The following DPP9 variants were observed in gnomAD, a reference collection of about 807,000 sequenced individuals.
The protein encoded by DPP9 is dipeptidyl peptidase 9, also known as dipeptidyl peptidase IV-related protein-2.
A neutral mutation model predicts 110.7 loss-of-function variants in DPP9; 50 were observed. That is an observed-to-expected ratio of 0.45 (90% CI 0.36 to 0.57). The LOEUF (loss-of-function observed/expected upper bound fraction) is 0.57, where lower values mean the gene tolerates loss of function less well. Among genes scored for constraint, DPP9 ranks in the 20% least tolerant of loss-of-function variants. DPP9 has a pLI of 0.00. For synonymous variants in DPP9, 561 were observed against 514.4 expected (o/e 1.09, Z -1.23); for missense variants, 1,022 against 1,217.9 (o/e 0.84, Z 2.39).
rs530092089 is a variant in DPP9, at chr19:4,683,613, T to G, written c.2195A>C (p.Glu732Ala). The change falls in exon 19 of 22, where the codon GAG (glutamate) becomes GCG (alanine). Residue 732 changes from glutamate (E) to alanine (A), a missense_variant. By Grantham distance (107) the Glu-to-Ala change is moderately radical (BLOSUM62 -1). Transcript: ENST00000262960. ...LKNQMGQVEI[E>A]DQVEGLQFVA... The stretch of plus-strand genomic sequence containing the variant: ...GAACTGCAGGCCCTCCACCTGGTCC[T>G]CGATCTCCACCTGGCCCTGAGGGAT... The G allele has an allele frequency of 6.2e-7, 1 of 1,611,932 alleles. No individual in the cohort carries two copies. Among genetic ancestry groups the G allele is most frequent in the Non-Finnish European group, 8.5e-7 (1 of 1,179,286 alleles).
At chr19:4,681,439 C>T (rs1195596050) in intron 20 of DPP9, among the ~76,000 whole-genome samples, 1 of 152,020 alleles carries the variant, frequency 6.6e-6, no homozygotes, top group East Asian at 1.9e-4. Flanking sequence ...CCTCGGCCTC[C>T]TTGAGTAGCC....
At chr19:4,711,260 G>T (rs2145864238) in intron 4 of DPP9, among the ~76,000 whole-genome samples, 1 of 152,244 alleles carries the variant, frequency 6.6e-6, no homozygotes. Context: ...AGTACTTCAT[G>T]GCTCAGACGA....
Position 4,719,884 on chromosome 19 carries a change from C to A in DPP9, c.23G>T (p.Arg8Leu), listed in dbSNP as rs555735000. 7.7e-6 allele frequency: 12 copies of A among 1,551,646 alleles called. No individual in the cohort carries two copies. Among genetic ancestry groups the A allele is most frequent in the Non-Finnish European group, 9.6e-6 (11 of 1,147,002 alleles). Reference sequence around the variant, plus strand: ...ACTTCCGGTGTTCTCCTTGTCCAGGCGCAGTTTCTTAACCTTCCGCATTAA... The same window carrying A: ...ACTTCCGGTGTTCTCCTTGTCCAGGAGCAGTTTCTTAACCTTCCGCATTAA... Reference protein sequence around the residue: MRKVKKLRLDKENTGSWR... With the variant: MRKVKKLLLDKENTGSWR... The change falls in exon 3 of 22, where the codon CGC becomes CTC. Residue 8 changes from arginine to leucine, a missense_variant. By Grantham distance (102) the Arg-to-Leu change is moderately radical. This residue lies in a region of DPP9 where 810 missense variants were observed against 920.6 expected (regional missense o/e 0.88). Coordinates refer to ENST00000262960, the MANE Select transcript of DPP9 (RefSeq NM_139159.5).
chr19:4,705,458 G>A (rs1044077874), intron 5 of DPP9, among the ~76,000 whole-genome samples: 1 of 152,192 alleles, frequency 6.6e-6, no homozygotes, highest in Non-Finnish European at 1.5e-5. Flanking sequence ...TTGGGCTCAA[G>A]CAATCCTCTT....
chr19:4,714,205 G>C lies in DPP9; in HGVS notation c.189C>G (p.Leu63=). The C allele has an allele frequency of 6.2e-7, 1 of 1,607,876 alleles. No homozygotes were observed. Among genetic ancestry groups the C allele is most frequent in the Non-Finnish European group, 8.5e-7 (1 of 1,177,538 alleles). Reference sequence around the variant, plus strand: ...TGCGGCTGCCGTGGATGATGCTCCGGAGCCCGTCCCACGAGTGCTTCTGCA... The same window carrying C: ...TGCGGCTGCCGTGGATGATGCTCCGCAGCCCGTCCCACGAGTGCTTCTGCA... ...FQVQKHSWDG[L]RSIIHGSRKY... The change falls in exon 4 of 22, where the codon CTC becomes CTG. Residue 63 remains leucine (L), a synonymous_variant. Transcript: ENST00000262960.
chr19:4,682,832 T>C lies in DPP9; in HGVS notation c.2338A>G (p.Ile780Val), dbSNP rs141294259. 1.9e-3 allele frequency: 2,936 copies of C among 1,583,240 alleles called. 53 individuals carry two copies. In the African/African-American group the frequency reaches 0.034, roughly 18 times the overall value. ...IHKPQVFKVA[I>V]AGAPVTVWMA... ...CAGACGGTGACCGGGGCACCCGCGA[T>C]GGCCACCTGAGGGACACAGCAGACA... is the stretch of plus-strand genomic sequence containing the variant. The change falls in exon 20 of 22, where the codon ATC becomes GTC. Residue 780 changes from isoleucine to valine, a missense_variant. By Grantham distance (29) the Ile-to-Val change is conservative. Coordinates refer to ENST00000262960, the MANE Select transcript of DPP9 (RefSeq NM_139159.5). This position sits in a 1 kb window ranked among gnomAD's most constrained non-coding sequence, Gnocchi z 7.1.
Position 4,682,085 on chromosome 19 carries a change from C to T in DPP9, c.2474+611G>A, listed in dbSNP as rs1306754773. The stretch of plus-strand genomic sequence containing the variant: ...GGATGGTCTCAATCTCCTGACCTCA[C>T]GATCCGCCCGCCTCAGCCTCCCAGA... On this transcript the variant is annotated intron_variant, in intron 20 of 21. Transcript: ENST00000262960. The surrounding 1 kb of genome is among the most constrained non-coding windows in gnomAD (Gnocchi z 7.1). Among the ~76,000 whole-genome samples the T allele has an allele frequency of 2.6e-5, 4 of 152,004 alleles. No individual in the cohort carries two copies. The highest frequency in any genetic ancestry group is 5.9e-5 in the Non-Finnish European group (4 of 67,996).
At chr19:4,709,018 T>G (rs2092712301) in intron 4 of DPP9, among the ~76,000 whole-genome samples, 3 of 152,152 alleles carry the variant, frequency 2.0e-5, no homozygotes, top group Non-Finnish European at 4.4e-5. Flanking sequence ...CCTGGGTTCA[T>G]GCGACTCTCC....
At chr19:4,722,968 A>G (rs2093386604) in intron 1 of DPP9, among the ~76,000 whole-genome samples, 1 of 152,174 alleles carries the variant, frequency 6.6e-6, no homozygotes, top group Admixed American at 6.5e-5. Context: ...GGGCTGGCCT[A>G]AGGCTGTGTG....
At chr19:4,679,763 G>C in intron 21 of DPP9, 72 bp downstream of exon 21, 2 of 1,204,336 alleles carry the variant, frequency 1.7e-6, no homozygotes, top group South Asian at 1.3e-5. Flanking sequence ...AAGCCACCCC[G>C]CCTCGTCCCA....
rs1056562748 is a variant in DPP9 at position 4,683,316 on chromosome 19, G to A, written c.2331+161C>T. 2.4e-5 allele frequency: 35 copies of A among 1,454,004 alleles called. No individual in the cohort carries two copies. The Admixed American group carries it at 2.5e-4, about 11-fold the overall frequency. 90.1% of individuals were successfully genotyped at this position (1,454,004 alleles called of 1,614,324 possible). A position where few individuals can be genotyped will look rare whatever the true frequency, so the allele number is the denominator to read the frequency against. ...GCAATGAGGAGGGGGGCTCGGCCCC[G>A]TGGGGCTGCTGCAGGGAGAAACAGC... is the stretch of plus-strand genomic sequence containing the variant. On this transcript the variant is annotated intron_variant, in intron 19 of 21. Coordinates refer to ENST00000262960, the MANE Select transcript of DPP9 (RefSeq NM_139159.5).
rs1006543111 is a variant in DPP9, at chr19:4,702,221, C to T, written c.884-66G>A. On this transcript the variant is annotated intron_variant, in intron 8 of 21. Coordinates refer to ENST00000262960, the MANE Select transcript of DPP9 (RefSeq NM_139159.5). The stretch of plus-strand genomic sequence containing the variant: ...GCAGAGTCCCTGCCATCAGCACCCC[C>T]CGCCCCCTGCAGCACCGGGGCCTGA... 5.9e-6 allele frequency: 9 copies of T among 1,534,172 alleles called. No homozygotes were observed. The African/African-American group carries it at 8.2e-5, about 14-fold the overall frequency.
chr19:4,682,033 A>T lies in DPP9; in HGVS notation c.2474+663T>A, dbSNP rs190959585. On this transcript the variant is annotated intron_variant, in intron 20 of 21. Coordinates refer to ENST00000262960, the MANE Select transcript of DPP9 (RefSeq NM_139159.5). This position sits in a 1 kb window ranked among gnomAD's most constrained non-coding sequence, Gnocchi z 7.1. Reference sequence around the variant, plus strand: ...CCGGCTAATTTTTTGTATTTTTAGTAGAGACGGGGTTTCATCTTGTTAGCC... The same window carrying T: ...CCGGCTAATTTTTTGTATTTTTAGTTGAGACGGGGTTTCATCTTGTTAGCC... Among the ~76,000 whole-genome samples the T allele has an allele frequency of 2.6e-5, 4 of 151,980 alleles. No homozygotes were observed. Among genetic ancestry groups the T allele is most frequent in the Non-Finnish European group, 5.9e-5 (4 of 67,970 alleles).
At chr19:4,683,196 C>T (rs1335589095) in intron 19 of DPP9, 5 of 1,427,242 alleles carry the variant, frequency 3.5e-6, no homozygotes, top group Non-Finnish European at 4.6e-6. Flanking sequence ...CCACCTCTGC[C>T]CATCCGAGGC....
Position 4,689,783 on chromosome 19 carries a change from T to A in DPP9, c.1597-61A>T. The A allele has an allele frequency of 6.7e-7, 1 of 1,488,508 alleles. No homozygotes were observed. The allele number at this position is 1,488,508 out of a possible 1,614,324, so 92.2% of individuals were successfully genotyped here. ...AGATGCCCCTGGGCCCACACCCCTC[T>A]CCACGCCCCACAGGAGTGGGCCCCA... On this transcript the variant is annotated intron_variant, in intron 14 of 21. Coordinates refer to ENST00000262960, the MANE Select transcript of DPP9 (RefSeq NM_139159.5). The surrounding 1 kb of genome is among the most constrained non-coding windows in gnomAD (Gnocchi z 7.0).
At position 4,698,523 on chromosome 19, in the gene DPP9, A is replaced by G. The variant is rs1008401790; in HGVS notation, c.1075-872T>C. Among the ~76,000 whole-genome samples, 3 of 151,942 alleles carry G rather than the reference A, an allele frequency of 2.0e-5. No individual in the cohort carries two copies. The highest frequency in any genetic ancestry group is 7.3e-5 in the African/African-American group (3 of 41,340). ...TCCCAGCACCTTGAGAGGCTGAGGC[A>G]GGTGGATCACTTGAGGTCAGGAGTT... On this transcript the variant is annotated intron_variant, in intron 10 of 21. Transcript: ENST00000262960. The surrounding 1 kb of genome is among the most constrained non-coding windows in gnomAD (Gnocchi z 4.2).
Position 4,685,046 on chromosome 19 carries a change from C to T in DPP9, c.2032-237G>A, listed in dbSNP as rs778512982. 7 of 673,168 alleles carry T rather than the reference C, an allele frequency of 1.0e-5. No individual in the cohort carries two copies. The highest frequency in any genetic ancestry group is 2.9e-5 in the East Asian group (1 of 34,558). The allele number at this position is 673,168 out of a possible 1,614,324, so 41.7% of individuals were successfully genotyped here. Reference sequence around the variant, plus strand: ...CTGTCAGGCTCTTTCTCAGCTGGGCCACTGCCCCAGTCCTGCCTGGAACAA... The same window carrying T: ...CTGTCAGGCTCTTTCTCAGCTGGGCTACTGCCCCAGTCCTGCCTGGAACAA... On this transcript the variant is annotated intron_variant, in intron 17 of 21. Transcript: ENST00000262960. The surrounding 1 kb of genome is among the most constrained non-coding windows in gnomAD (Gnocchi z 5.8).
In DPP9 at chr19:4,685,888, G is replaced by A; in HGVS notation, c.1886-117C>T. 8.0e-7 allele frequency: 1 copy of A among 1,252,456 alleles called. No individual in the cohort carries two copies. Among genetic ancestry groups the A allele is most frequent in the Non-Finnish European group, 1.1e-6 (1 of 917,210 alleles). The allele number at this position is 1,252,456 out of a possible 1,614,324, so 77.6% of individuals were successfully genotyped here. ...GGACCAAAGCACCCCCTCTTTTCCTGGGCTTCCCGAGAGTTGATAATTGAA... is the reference window on the plus strand; with the variant it reads ...GGACCAAAGCACCCCCTCTTTTCCTAGGCTTCCCGAGAGTTGATAATTGAA... On this transcript the variant is annotated intron_variant, in intron 16 of 21. Coordinates refer to ENST00000262960, the MANE Select transcript of DPP9 (RefSeq NM_139159.5). This position sits in a 1 kb window ranked among gnomAD's most constrained non-coding sequence, Gnocchi z 5.8.
At chr19:4,708,377 C>T (rs1050698995) in intron 4 of DPP9, among the ~76,000 whole-genome samples, 7 of 152,198 alleles carry the variant, frequency 4.6e-5, no homozygotes, top group African/African-American at 1.7e-4. Context: ...TTTAGGGTTC[C>T]TTTCTTTGGA....
Sources: gnomAD v4.1 joint callset for allele counts (sites outside exome capture counted in the v4.1 genomes callset) on GRCh38, gnomAD v4.1.1 for gene constraint, gnomAD v4.1.1 regional missense constraint, Gnocchi (gnomAD v3.1) non-coding constraint, MANE v1.5 for transcripts, NCBI Gene and HGNC (gene_info 2026-07-23, HGNC 2026-07-21) for gene names.